Variants in WDR36 observed in about 807,000 individuals in gnomAD.
The protein encoded by WDR36 is WD repeat domain 36.
A neutral mutation model predicts 112.7 loss-of-function variants in WDR36; 63 were observed. The ratio of observed to expected loss-of-function variants is 0.56; its 90% CI spans 0.46 to 0.69. The LOEUF (loss-of-function observed/expected upper bound fraction) is 0.69. Among genes scored for constraint, WDR36 ranks in the 30% least tolerant of loss-of-function variants. WDR36 has a pLI of 0.00. For missense variants in WDR36, 1,226 were observed against 1,070.3 expected, an observed-to-expected ratio of 1.15 and a Z score of -2.03; for synonymous variants, 410 against 362.2, an observed-to-expected ratio of 1.13 and a Z score of -1.50.
In WDR36 at chr5:111,130,346, G is replaced by C. The variant is rs1753765827; in HGVS notation, c.*3463G>C. The C allele has an allele frequency of 1.6e-5, 3 of 186,948 alleles. No individual in the cohort carries two copies. The highest frequency in any genetic ancestry group is 2.3e-5 in the African/African-American group (1 of 42,664). 11.6% of individuals were successfully genotyped at this position (186,948 alleles called of 1,614,324 possible). A position where few individuals can be genotyped will look rare whatever the true frequency, so the allele number is the denominator to read the frequency against. On this transcript the variant is annotated 3_prime_UTR_variant, in exon 23 of 23. Transcript: ENST00000513710. ...TTGGTTGAAAAAAGTTTGCATATAA[G>C]TGAAACTTAGCATTTCAAACCTGTG...
intron 19 of WDR36, among the ~76,000 whole-genome samples, chr5:111,123,488 T>G (rs1174666105): frequency 6.6e-6 from 1 of 152,202 alleles, no homozygotes. Flanking sequence ...AAGTTTAAAA[T>G]TACTTAATTG....
At chr5:111,094,790 C>G (rs17623144) in intron 1 of WDR36, 130 bp from the exon 2 acceptor site, 210,614 of 738,144 alleles carry the variant, frequency 0.29, 35,380 homozygotes, top group Non-Finnish European at 0.35. Flanking sequence ...AAATTAGTGT[C>G]AGTAAGTGTC....
At chr5:111,118,186 TG>T (rs1466468115) in intron 16 of WDR36, among the ~76,000 whole-genome samples, 1 of 152,194 alleles carries the variant, frequency 6.6e-6, no homozygotes, top group Non-Finnish European at 1.5e-5. Flanking sequence ...TTATGCTTAA[TG>T]GTCCTACAAA....
intron 20 of WDR36, 44 bp downstream of exon 20, chr5:111,123,968 T>G (rs1161696394): frequency 6.2e-7 from 1 of 1,612,270 alleles, no homozygotes; most frequent in Admixed American, 1.7e-5. Flanking sequence ...GGTGTATGTT[T>G]GTATGTGTTT....
intron 17 of WDR36, 33 bp downstream of exon 17, chr5:111,119,153 G>T: frequency 6.5e-7 from 1 of 1,527,424 alleles, no homozygotes; most frequent in South Asian, 1.1e-5. Context: ...GTTTTGGGAT[G>T]AAGAAGATTG....
chr5:111,106,861 C>T (rs574605803), intron 11 of WDR36, among the ~76,000 whole-genome samples: 3 of 151,382 alleles, frequency 2.0e-5, no homozygotes, highest in African/African-American at 7.2e-5. Context: ...ACTTGCTGTC[C>T]TCCGTTTTGT....
In WDR36 at chr5:111,092,504, G is replaced by C; in HGVS notation, c.48G>C (p.Gly16=). ...ERRTASALFA[G]FRALGLFSND... is the part of the protein sequence containing the mutation. ...GCACGGCCAGCGCGCTTTTTGCGGG[G>C]TTCCGGGCCTTGGGACTTTTCAGCA... Residue 16 remains glycine (G), a synonymous_variant, in exon 1 of 23, where the codon GGG becomes GGC. Coordinates refer to ENST00000513710, the MANE Select transcript of WDR36 (RefSeq NM_139281.3). 6.2e-7 allele frequency: 1 copy of C among 1,614,248 alleles called. No homozygotes were observed. The highest frequency in any genetic ancestry group is 1.1e-5 in the South Asian group (1 of 91,086).
intron 16 of WDR36, among the ~76,000 whole-genome samples, chr5:111,118,590 AC>A (rs1753502900): frequency 1.3e-5 from 2 of 152,158 alleles, no homozygotes; most frequent in South Asian, 4.1e-4. Context: ...TTGTTATATT[AC>A]TTTCTCCTTT....
intron 4 of WDR36, among the ~76,000 whole-genome samples, chr5:111,099,467 T>G (rs868864251): frequency 0.084 from 4,213 of 49,880 alleles, 177 homozygotes; most frequent in African/African-American, 0.22. Context: ...TTTTTTGTTT[T>G]TTTTTTTTTT....
chr5:111,120,680 G>T, intron 18 of WDR36, 87 bp downstream of exon 18: 2 of 1,086,438 alleles, frequency 1.8e-6, no homozygotes, highest in Middle Eastern at 2.0e-4. Flanking sequence ...AAAGTTTAGT[G>T]CATTCAATCA....
At position 111,113,002 on chromosome 5, in the gene WDR36, T is replaced by C. The variant is rs899409925; in HGVS notation, c.1717-72T>C. ...AACTATATATACATACACACATACA[T>C]ACAAATATATTCATATATATTTATA... On this transcript the variant is annotated intron_variant, in intron 15 of 22. Coordinates refer to ENST00000513710, the MANE Select transcript of WDR36 (RefSeq NM_139281.3). 6 of 335,290 alleles carry C rather than the reference T, an allele frequency of 1.8e-5. No homozygotes were observed. In the East Asian group the frequency reaches 5.4e-4, roughly 30 times the overall value. 20.8% of individuals were successfully genotyped at this position (335,290 alleles called of 1,614,324 possible). A position where few individuals can be genotyped will look rare whatever the true frequency, so the allele number is the denominator to read the frequency against.
At chr5:111,096,411 G>C (rs1378458646) in intron 2 of WDR36, among the ~76,000 whole-genome samples, 1 of 152,172 alleles carries the variant, frequency 6.6e-6, no homozygotes, top group Admixed American at 6.5e-5. Flanking sequence ...TGTTCCAGAA[G>C]ATACTCACAT....
At position 111,092,630 on chromosome 5, in the gene WDR36, C is replaced by G. The variant is rs1454786940; in HGVS notation, c.162+12C>G. 2 of 1,608,988 alleles carry G rather than the reference C, an allele frequency of 1.2e-6. No homozygotes were observed. The highest frequency in any genetic ancestry group is 1.7e-6 in the Non-Finnish European group (2 of 1,179,198). On this transcript the variant is annotated intron_variant, in intron 1 of 22. Transcript: ENST00000513710. ...TCCACACCTATGACGTGAGTGACTT[C>G]TTTTGTTAGCTTCCCAGGAAAACCA...
chr5:111,096,991 T>C (rs1753004766), intron 2 of WDR36, 88 bp from the exon 3 acceptor site: 2 of 846,184 alleles, frequency 2.4e-6, no homozygotes, highest in Admixed American at 3.9e-5. Flanking sequence ...TTTTAAATTA[T>C]AGCCATGAAA....
At chr5:111,098,157 C>A (rs1353443366) in intron 3 of WDR36, among the ~76,000 whole-genome samples, 1 of 152,020 alleles carries the variant, frequency 6.6e-6, no homozygotes. Context: ...TGTTACCACC[C>A]CTAAGGCCAA....
chr5:111,118,881 A>G, intron 16 of WDR36, 132 bp from the exon 17 acceptor site: 1 of 695,282 alleles, frequency 1.4e-6, no homozygotes, highest in Non-Finnish European at 2.6e-6. Flanking sequence ...TTTCTGATCA[A>G]TGCTGGTGAT....
chr5:111,113,415 C>G (rs1469287551), intron 16 of WDR36, among the ~76,000 whole-genome samples: 1 of 140,702 alleles, frequency 7.1e-6, no homozygotes, highest in Admixed American at 7.3e-5. Context: ...AGCGAGATGC[C>G]TAAACCTTAA....
intron 3 of WDR36, 114 bp from the exon 4 acceptor site, chr5:111,098,608 G>A: frequency 1.3e-6 from 1 of 759,836 alleles, no homozygotes; most frequent in Non-Finnish European, 2.3e-6. Context: ...CAAAAGTTGG[G>A]GTACATTTCT....
rs1470621706 is a variant in WDR36, at chr5:111,127,918, GTTTTGTTTTTTT to G, written c.*1040_*1051del. 78 of 175,480 alleles carry G rather than the reference GTTTTGTTTTTTT, an allele frequency of 4.4e-4. No homozygotes were observed. Among genetic ancestry groups the G allele is most frequent in the Non-Finnish European group, 6.4e-4 (57 of 88,496 alleles). 10.9% of individuals were successfully genotyped at this position (175,480 alleles called of 1,614,324 possible). A position where few individuals can be genotyped will look rare whatever the true frequency, so the allele number is the denominator to read the frequency against. On this transcript the variant is annotated 3_prime_UTR_variant, in exon 23 of 23. Transcript: ENST00000513710. ...GCCAGGGTTTTTTTTATTTTGTTTTGTTTTGTTTTTTTTTTTTTTTTTTTGGCTACACTTTTT... is the reference window on the plus strand; with the variant it reads ...GCCAGGGTTTTTTTTATTTTGTTTTGTTTTTTTTTTTTGGCTACACTTTTT...
Sources: allele counts gnomAD v4.1 joint callset (sites outside exome capture counted in the v4.1 genomes callset), GRCh38; gene constraint gnomAD v4.1.1; transcripts MANE v1.5; gene names NCBI Gene and HGNC (gene_info 2026-07-23, HGNC 2026-07-21).